The following CTNNA2 variants were observed in gnomAD, a reference collection of about 807,000 sequenced individuals.
CTNNA2 encodes catenin alpha 2, also known as catenin alpha-2.
In CTNNA2, 42 loss-of-function variants were observed where a neutral mutation model predicts 101.0. The ratio of observed to expected loss-of-function variants is 0.42; its 90% confidence interval spans 0.32 to 0.54. The LOEUF is 0.54. CTNNA2 is among the 20% of genes least tolerant of loss of function. The probability of loss-of-function intolerance (pLI) is 0.14; values close to 1 mark genes in which losing one functional copy is unlikely to be tolerated. For synonymous variants in CTNNA2, 450 were observed against 456.4 expected (o/e 0.99, Z 0.18); for missense variants, 871 against 1,223.1 (o/e 0.71, Z 4.29).
chr2:80,545,519 C>T (rs17019308), intron 10 of CTNNA2, among the ~76,000 whole-genome samples: 3,022 of 152,222 alleles, frequency 0.02, 80 homozygotes, highest in East Asian at 0.088. Flanking sequence ...ATACTCTCCA[C>T]TCCTGTTGAC....
chr2:79,959,030 C>T (rs938441710), intron 7 of CTNNA2, among the ~76,000 whole-genome samples: 8 of 151,238 alleles, frequency 5.3e-5, no homozygotes, highest in Non-Finnish European at 5.9e-5. Flanking sequence ...GTAACCGTAT[C>T]TTACTCGACT....
chr2:79,814,432 C>T (rs1163465978), intron 3 of CTNNA2, among the ~76,000 whole-genome samples: 1 of 152,038 alleles, frequency 6.6e-6, no homozygotes, highest in Non-Finnish European at 1.5e-5. Flanking sequence ...CCATTGTATG[C>T]CTTTGCATCC....
intron 7 of CTNNA2, among the ~76,000 whole-genome samples, chr2:80,381,313 A>C (rs1676495419): frequency 6.6e-6 from 1 of 151,958 alleles, no homozygotes; most frequent in African/African-American, 2.4e-5. Context: ...GCACCTCTAG[A>C]TTGGGGCTTG....
chr2:80,589,170 G>A (rs539981346), intron 14 of CTNNA2, 134 bp from the exon 15 acceptor site: 10 of 858,488 alleles, frequency 1.2e-5, no homozygotes, highest in South Asian at 9.1e-5. Flanking sequence ...GGAGAAAGAC[G>A]TGCTTTCCGG....
chr2:79,230,831 C>G (rs1306581340), intron 2 of CTNNA2, among the ~76,000 whole-genome samples: 1 of 152,216 alleles, frequency 6.6e-6, no homozygotes, highest in Non-Finnish European at 1.5e-5. Context: ...GACCTGGATG[C>G]AAGACATGGA....
At chr2:80,213,169 T>A (rs967291693) in intron 7 of CTNNA2, among the ~76,000 whole-genome samples, 9 of 152,194 alleles carry the variant, frequency 5.9e-5, no homozygotes, top group African/African-American at 2.2e-4. Flanking sequence ...AACCAGCTAC[T>A]GGATTCATTG....
At chr2:79,596,059 T>TG (rs1475801687) in intron 1 of CTNNA2, among the ~76,000 whole-genome samples, 3 of 151,882 alleles carry the variant, frequency 2.0e-5, no homozygotes, top group Non-Finnish European at 2.9e-5. Context: ...TGCTCTATCT[T>TG]GGGGAAGCTT....
rs1004557182 is a variant in CTNNA2, at chr2:79,626,029, T to C, written c.-5-25523T>C. On this transcript the variant is annotated intron_variant, in intron 1 of 18. Transcript: ENST00000402739. Reference sequence around the variant, plus strand: ...ATGAGGGAATGGGTGGTTGTAGGTGTGTGTTAGGAGGGACGTTTGACCATT... The same window carrying C: ...ATGAGGGAATGGGTGGTTGTAGGTGCGTGTTAGGAGGGACGTTTGACCATT... Among the ~76,000 whole-genome samples the C allele has an allele frequency of 4.6e-5, 7 of 152,100 alleles. No individual in the cohort carries two copies. The East Asian group carries it at 5.8e-4, about 13-fold the overall frequency.
At chr2:80,158,389 G>A (rs1704109409) in intron 7 of CTNNA2, among the ~76,000 whole-genome samples, 1 of 152,266 alleles carries the variant, frequency 6.6e-6, no homozygotes, top group Non-Finnish European at 1.5e-5. Context: ...AGACCTGTAT[G>A]CTCTTTCCCT....
chr2:80,048,847 C>G (rs1158959793), intron 7 of CTNNA2, among the ~76,000 whole-genome samples: 1 of 152,134 alleles, frequency 6.6e-6, no homozygotes, highest in Non-Finnish European at 1.5e-5. Context: ...GCTAGACTTT[C>G]AGGAATGCAG....
intron 7 of CTNNA2, among the ~76,000 whole-genome samples, chr2:80,358,343 C>CTTT (rs35040432): frequency 4.7e-3 from 468 of 99,650 alleles, no homozygotes; most frequent in Non-Finnish European, 6.9e-3. Flanking sequence ...TAGTATTCTA[C>CTTT]TTTTTTTTTT....
intron 3 of CTNNA2, among the ~76,000 whole-genome samples, chr2:79,784,284 G>T (rs962052583): frequency 2.6e-5 from 4 of 151,884 alleles, no homozygotes; most frequent in African/African-American, 9.7e-5. Flanking sequence ...TCTAAGTTAA[G>T]CTTGATGTAT....
intron 13 of CTNNA2, chr2:80,578,798 G>A (rs866557871): frequency 6.6e-6 from 1 of 152,088 alleles, no homozygotes; most frequent in Non-Finnish European, 1.5e-5. Flanking sequence ...ATAAAATGGT[G>A]ATTACATTTA....
intron 3 of CTNNA2, among the ~76,000 whole-genome samples, chr2:79,348,776 G>A (rs1167725416): frequency 6.6e-6 from 1 of 152,178 alleles, no homozygotes; most frequent in East Asian, 1.9e-4. Flanking sequence ...CCCTTGTCTA[G>A]ACACAGCAGT....
intron 9 of CTNNA2, among the ~76,000 whole-genome samples, chr2:80,532,615 T>G (rs1418425933): frequency 6.6e-6 from 1 of 152,224 alleles, no homozygotes; most frequent in African/African-American, 2.4e-5. Context: ...ATCGTAGGTA[T>G]GCATGTTCAG....
At chr2:79,718,751 T>C (rs553445561) in intron 2 of CTNNA2, among the ~76,000 whole-genome samples, 1 of 152,182 alleles carries the variant, frequency 6.6e-6, no homozygotes, top group African/African-American at 2.4e-5. Context: ...GATTTTTATC[T>C]ACAATGCCTG....
intron 4 of CTNNA2, among the ~76,000 whole-genome samples, chr2:79,379,332 T>G (rs1197161911): frequency 6.6e-6 from 1 of 152,202 alleles, no homozygotes; most frequent in Non-Finnish European, 1.5e-5. Context: ...TATAAAAATA[T>G]ACAATCATTT....
At chr2:79,292,521 A>G (rs987735230) in intron 2 of CTNNA2, among the ~76,000 whole-genome samples, 2 of 152,182 alleles carry the variant, frequency 1.3e-5, no homozygotes, top group Non-Finnish European at 1.5e-5. Context: ...AAGGAACTAA[A>G]AGATGAAGCT....
At chr2:80,479,429 C>A (rs1405897485) in intron 9 of CTNNA2, among the ~76,000 whole-genome samples, 2 of 152,050 alleles carry the variant, frequency 1.3e-5, no homozygotes, top group East Asian at 1.9e-4. Context: ...AATCATCTGA[C>A]CTAAAATGTC....
Sources: allele counts gnomAD v4.1 joint callset (sites outside exome capture counted in the v4.1 genomes callset), GRCh38; gene constraint gnomAD v4.1.1; transcripts MANE v1.5; gene names NCBI Gene and HGNC (gene_info 2026-07-23, HGNC 2026-07-21).